ACOXL: variants seen among roughly 807,000 people sequenced by gnomAD.
The protein encoded by ACOXL is acyl-CoA oxidase like, also known as acyl-coenzyme A oxidase-like protein.
In ACOXL, 70 loss-of-function variants were observed where a neutral mutation model predicts 71.9. That is an observed-to-expected ratio of 0.97 (90% CI 0.80 to 1.19). The LOEUF (loss-of-function observed/expected upper bound fraction) is 1.19. Ranked by LOEUF, ACOXL falls within the 50% of genes most tolerant of loss-of-function variation. ACOXL has a pLI of 0.00. For missense variants in ACOXL, 703 were observed against 736.3 expected (o/e 0.95, Z 0.52); for synonymous variants, 253 against 281.6 (o/e 0.90, Z 1.02).
intron 12 of ACOXL, among the ~76,000 whole-genome samples, chr2:110,934,411 G>C (rs1481483063): frequency 1.3e-5 from 2 of 152,232 alleles, no homozygotes; most frequent in African/African-American, 4.8e-5. Flanking sequence ...ACCCCCAGAG[G>C]AGAATGGAAG....
intron 12 of ACOXL, among the ~76,000 whole-genome samples, chr2:110,961,962 T>C (rs1574294939): frequency 1.3e-5 from 2 of 152,204 alleles, no homozygotes; most frequent in African/African-American, 4.8e-5. Context: ...CACGTGGGGA[T>C]TATTACAATT....
chr2:110,847,535 A>G (rs555472720), intron 10 of ACOXL, among the ~76,000 whole-genome samples: 47 of 152,292 alleles, frequency 3.1e-4, no homozygotes, highest in African/African-American at 1.1e-3. Context: ...AAGGAAGCAA[A>G]TTTTCCATTT....
intron 16 of ACOXL, among the ~76,000 whole-genome samples, chr2:111,062,096 G>GAT (rs2066845764): frequency 6.6e-6 from 1 of 152,000 alleles, no homozygotes. Flanking sequence ...TGTATAGGGT[G>GAT]ATATAGATAG....
At chr2:111,023,562 C>T (rs758662198) in intron 14 of ACOXL, among the ~76,000 whole-genome samples, 5 of 151,928 alleles carry the variant, frequency 3.3e-5, no homozygotes, top group Non-Finnish European at 5.9e-5. Flanking sequence ...GGTGTGGGGA[C>T]GTGTGGGAGA....
rs112772604 is a variant in ACOXL at position 110,741,215 on chromosome 2, A to G, written c.-23+8441A>G. On this transcript the variant is annotated intron_variant, in intron 1 of 17. Transcript: ENST00000439055. ...GCGTCAGCTTAATAGGGCTGCCGTA[A>G]TAATGTACCCGGGCTAGGTGGCTTA... Among the ~76,000 whole-genome samples the G allele has an allele frequency of 1.1e-3, 174 of 152,270 alleles. 1 individual carries two copies. Among genetic ancestry groups the G allele is most frequent in the African/African-American group, 4.1e-3 (170 of 41,542 alleles).
rs893204102 is a variant in ACOXL at position 110,963,538 on chromosome 2, A to G, written c.1060-23570A>G. On this transcript the variant is annotated intron_variant, in intron 12 of 17. Transcript: ENST00000439055. ...TAATTTTAAAGAAAATGTGAGTCCT[A>G]TGTAGTGATGGGATCGCAAATTTGA... The G allele has an allele frequency of 3.4e-5, 52 of 1,515,062 alleles. 2 individuals are homozygous for G. Among genetic ancestry groups the G allele is most frequent in the South Asian group, 1.6e-4 (12 of 75,634 alleles). 93.9% of individuals were successfully genotyped at this position (1,515,062 alleles called of 1,614,324 possible).
intron 17 of ACOXL, among the ~76,000 whole-genome samples, chr2:111,097,965 A>G (rs933691633): frequency 2.0e-5 from 3 of 152,252 alleles, no homozygotes; most frequent in Non-Finnish European, 2.9e-5. Context: ...ATTTTAAAGA[A>G]TAGATTATGG....
chr2:111,009,952 C>T (rs2064067647), intron 14 of ACOXL, among the ~76,000 whole-genome samples: 3 of 152,122 alleles, frequency 2.0e-5, no homozygotes, highest in Non-Finnish European at 4.4e-5. Flanking sequence ...TCTATAAATT[C>T]AAGTTTATCT....
chr2:111,031,801 G>T (rs2065284713), intron 15 of ACOXL, 87 bp downstream of exon 15: 3 of 1,326,698 alleles, frequency 2.3e-6, no homozygotes, highest in Non-Finnish European at 3.2e-6. Context: ...GGAAAGGACA[G>T]TCCCAACACA....
rs143344614 is a variant in ACOXL, at chr2:110,870,667, A to G, written c.788+29262A>G. ...TCTTTAGGGATGTTCCATACCGTGT[A>G]CACCTGGTCACCACCCACCCCACAC... On this transcript the variant is annotated intron_variant, in intron 10 of 17. Transcript: ENST00000439055. 2.2e-3 allele frequency among the ~76,000 whole-genome samples: 332 copies of G among 152,286 alleles called. 3 individuals are homozygous for G. Among genetic ancestry groups the G allele is most frequent in the Non-Finnish European group, 3.5e-3 (236 of 68,020 alleles).
At chr2:111,057,261 C>T (rs1030315645) in intron 16 of ACOXL, among the ~76,000 whole-genome samples, 3 of 152,178 alleles carry the variant, frequency 2.0e-5, no homozygotes, top group Admixed American at 6.5e-5. Flanking sequence ...TAGAGTGTTT[C>T]AGGTGCACTG....
intron 14 of ACOXL, among the ~76,000 whole-genome samples, chr2:111,029,601 C>T (rs2065173593): frequency 6.6e-6 from 1 of 152,228 alleles, no homozygotes; most frequent in African/African-American, 2.4e-5. Flanking sequence ...GGGACAGAGG[C>T]TTCTCAGTCA....
At chr2:111,058,416 A>G (rs930694789) in intron 16 of ACOXL, among the ~76,000 whole-genome samples, 12 of 152,184 alleles carry the variant, frequency 7.9e-5, no homozygotes, top group Non-Finnish European at 1.8e-4. Flanking sequence ...TGTAAACACT[A>G]AAGTTATATG....
chr2:110,958,097 C>G (rs1189477771), intron 12 of ACOXL, among the ~76,000 whole-genome samples: 1 of 151,594 alleles, frequency 6.6e-6, no homozygotes, highest in Admixed American at 6.6e-5. Context: ...AATGATGTAG[C>G]CCATAGTACC....
intron 7 of ACOXL, 132 bp from the exon 8 acceptor site, chr2:110,801,520 C>A: frequency 1.4e-6 from 1 of 733,138 alleles, no homozygotes; most frequent in Non-Finnish European, 2.3e-6. Context: ...CCCATGTCCA[C>A]CCCCAAGGAA....
chr2:110,864,124 A>G (rs1694277645), intron 10 of ACOXL, among the ~76,000 whole-genome samples: 1 of 152,190 alleles, frequency 6.6e-6, no homozygotes. Context: ...TCAACGTTTC[A>G]GCAGGCGCCA....
chr2:111,025,211 A>G (rs1308005492), intron 14 of ACOXL, among the ~76,000 whole-genome samples: 1 of 152,092 alleles, frequency 6.6e-6, no homozygotes, highest in East Asian at 1.9e-4. Context: ...GGTGTATACA[A>G]TTTGTTTACC....
At chr2:110,881,176 CAT>C (rs1354161155) in intron 10 of ACOXL, among the ~76,000 whole-genome samples, 5 of 151,342 alleles carry the variant, frequency 3.3e-5, no homozygotes, top group East Asian at 1.9e-4. Flanking sequence ...TATATACACA[CAT>C]ATATATTACA....
chr2:110,903,307 C>T (rs768887789), intron 10 of ACOXL, among the ~76,000 whole-genome samples: 14 of 152,200 alleles, frequency 9.2e-5, no homozygotes, highest in African/African-American at 2.9e-4. Flanking sequence ...TCACATCCGA[C>T]GAATATTGCC....
Sources: gnomAD v4.1 joint callset for allele counts (sites outside exome capture counted in the v4.1 genomes callset) on GRCh38, gnomAD v4.1.1 for gene constraint, MANE v1.5 for transcripts, NCBI Gene and HGNC (gene_info 2026-07-23, HGNC 2026-07-21) for gene names.